Variants in WWOX observed in about 807,000 individuals in gnomAD.
WWOX encodes the protein WW domain-containing oxidoreductase.
A neutral mutation model predicts 46.2 loss-of-function variants in WWOX; 69 were observed. The observed-to-expected ratio is 1.49, with a 90% CI of 1.23 to 1.82. The LOEUF (loss-of-function observed/expected upper bound fraction) is 1.82. Among genes scored for constraint, WWOX ranks in the 40% most tolerant of loss-of-function variants. The pLI is 0.00. For synonymous variants in WWOX, 359 were observed against 202.6 expected (o/e 1.77, Z -6.56); for missense variants, 919 against 542.6 (o/e 1.69, Z -6.89).
intron 8 of WWOX, among the ~76,000 whole-genome samples, chr16:79,067,515 C>T (rs2048463624): frequency 3.3e-5 from 5 of 151,852 alleles, no homozygotes; most frequent in African/African-American, 4.8e-5. Context: ...ATAGTGTCTG[C>T]CCGGACATCT....
intron 8 of WWOX, chr16:78,552,525 G>C (rs983298202): frequency 6.6e-6 from 1 of 152,256 alleles, no homozygotes; most frequent in Non-Finnish European, 1.5e-5. Context: ...GCGATGAGTA[G>C]AGGAGCAGCT....
chr16:78,976,736 C>G (rs1403554853), intron 8 of WWOX, among the ~76,000 whole-genome samples: 1 of 152,162 alleles, frequency 6.6e-6, no homozygotes, highest in East Asian at 1.9e-4. Context: ...TTCTATCTTC[C>G]CCACTCTAGG....
chr16:78,430,875 T>C (rs1259053045), intron 7 of WWOX, among the ~76,000 whole-genome samples: 1 of 152,218 alleles, frequency 6.6e-6, no homozygotes, highest in Non-Finnish European at 1.5e-5. Context: ...TGCCATGCTT[T>C]TCTTGGTCTT....
chr16:78,729,832 A>G (rs75349069), intron 8 of WWOX, among the ~76,000 whole-genome samples: 2,268 of 152,292 alleles, frequency 0.015, 78 homozygotes, highest in African/African-American at 0.051. Context: ...TGAACCTGCT[A>G]TGCAGTGCTT....
chr16:78,858,098 A>G (rs975552120), intron 8 of WWOX, among the ~76,000 whole-genome samples: 1 of 152,064 alleles, frequency 6.6e-6, no homozygotes, highest in Non-Finnish European at 1.5e-5. Context: ...AAAAAGGAAA[A>G]ATGAAAGAAA....
At chr16:79,083,605 G>C (rs560679517) in intron 8 of WWOX, among the ~76,000 whole-genome samples, 10 of 152,170 alleles carry the variant, frequency 6.6e-5, no homozygotes, top group Non-Finnish European at 1.2e-4. Context: ...CTTCCAAAAT[G>C]CATTACAGGC....
intron 8 of WWOX, among the ~76,000 whole-genome samples, chr16:78,599,171 G>T (rs564695351): frequency 6.6e-6 from 1 of 152,134 alleles, no homozygotes; most frequent in African/African-American, 2.4e-5. Flanking sequence ...CTCCAGTCCC[G>T]GGATCAAGAC....
chr16:78,717,773 G>A (rs1440274582), intron 8 of WWOX, among the ~76,000 whole-genome samples: 1 of 152,184 alleles, frequency 6.6e-6, no homozygotes, highest in South Asian at 2.1e-4. Context: ...TTAGGATGGA[G>A]GTAGGTGGGA....
chr16:78,805,351 C>T (rs1000115826), intron 8 of WWOX, among the ~76,000 whole-genome samples: 3 of 152,162 alleles, frequency 2.0e-5, no homozygotes, highest in African/African-American at 7.2e-5. Context: ...AGCTCCGCCT[C>T]CCGGGTTCAT....
chr16:79,159,076 T>C (rs1396804267), intron 8 of WWOX, among the ~76,000 whole-genome samples: 1 of 152,256 alleles, frequency 6.6e-6, no homozygotes, highest in South Asian at 2.1e-4. Flanking sequence ...CCAGCCCCAG[T>C]AGGCTTCTGG....
At chr16:78,830,391 G>A (rs1458392206) in intron 8 of WWOX, among the ~76,000 whole-genome samples, 1 of 151,922 alleles carries the variant, frequency 6.6e-6, no homozygotes, top group Non-Finnish European at 1.5e-5. Flanking sequence ...CGTATGGCTG[G>A]GGGTTTTTCT....
At chr16:78,727,445 C>G (rs1425532680) in intron 8 of WWOX, among the ~76,000 whole-genome samples, 1 of 152,086 alleles carries the variant, frequency 6.6e-6, no homozygotes, top group Admixed American at 6.6e-5. Flanking sequence ...TCCTCTGGTC[C>G]TGGTGATCTG....
At chr16:78,934,199 A>C (rs1445816391) in intron 8 of WWOX, among the ~76,000 whole-genome samples, 1 of 151,728 alleles carries the variant, frequency 6.6e-6, no homozygotes, top group East Asian at 1.9e-4. Flanking sequence ...TTAGCCTGAC[A>C]TGGTGGCACA....
At chr16:78,814,725 C>G (rs572796558) in intron 8 of WWOX, among the ~76,000 whole-genome samples, 53 of 152,328 alleles carry the variant, frequency 3.5e-4, no homozygotes, top group African/African-American at 1.2e-3. Context: ...AAAGTTCTGC[C>G]TTCATGTAAC....
chr16:78,736,590 GTTGTTTTATTTTGTT>G (rs1263198805), intron 8 of WWOX, among the ~76,000 whole-genome samples: 1 of 151,654 alleles, frequency 6.6e-6, no homozygotes, highest in Non-Finnish European at 1.5e-5. Flanking sequence ...GTTTTGTTTT[GTTGTTTTATTTTGTT>G]TTGTTTTACT....
chr16:79,196,970 A>G (rs544571686), intron 8 of WWOX, among the ~76,000 whole-genome samples: 1 of 152,270 alleles, frequency 6.6e-6, no homozygotes, highest in South Asian at 2.1e-4. Flanking sequence ...TGGGGTTATT[A>G]TCTACCTGCA....
intron 5 of WWOX, among the ~76,000 whole-genome samples, chr16:78,351,568 C>T (rs1345163587): frequency 2.0e-5 from 3 of 152,148 alleles, no homozygotes; most frequent in East Asian, 1.9e-4. Flanking sequence ...TTAACATTCA[C>T]GGATGGCATG....
intron 8 of WWOX, among the ~76,000 whole-genome samples, chr16:79,085,678 A>AAT (rs2048841500): frequency 6.6e-6 from 1 of 152,214 alleles, no homozygotes; most frequent in Non-Finnish European, 1.5e-5. Flanking sequence ...TAGTACCTAG[A>AAT]AAAATGCATA....
chr16:78,909,775 G>C (rs969066164), intron 8 of WWOX, among the ~76,000 whole-genome samples: 3 of 152,168 alleles, frequency 2.0e-5, no homozygotes, highest in Non-Finnish European at 2.9e-5. Context: ...CGTCAACTTA[G>C]TCCAAATGTA....
Sources: gnomAD v4.1 joint callset for allele counts (sites outside exome capture counted in the v4.1 genomes callset) on GRCh38, gnomAD v4.1.1 for gene constraint, MANE v1.5 for transcripts, NCBI Gene and HGNC (gene_info 2026-07-23, HGNC 2026-07-21) for gene names.